FBXO42: variants seen among roughly 807,000 people sequenced by gnomAD.
FBXO42 encodes F-box only protein 42.
A neutral mutation model predicts 71.7 loss-of-function variants in FBXO42; 12 were observed. The observed-to-expected ratio is 0.17, with a 90% CI of 0.11 to 0.27. The LOEUF is 0.27. Ranked by LOEUF, FBXO42 falls within the 10% of genes least tolerant of loss-of-function variation. The pLI, the probability that FBXO42 is intolerant of heterozygous loss-of-function variation, is 1.00. For synonymous variants in FBXO42, 325 were observed against 327.5 expected (o/e 0.99, Z 0.08); for missense variants, 707 against 911.9 (o/e 0.78, Z 2.89).
At chr1:16,318,764 G>A (rs2082391159) in intron 1 of FBXO42, among the ~76,000 whole-genome samples, 1 of 152,200 alleles carries the variant, frequency 6.6e-6, no homozygotes, top group South Asian at 2.1e-4. Flanking sequence ...TTGGGCAAGA[G>A]GAGCCATCAG....
Position 16,338,834 on chromosome 1 carries a change from G to A in FBXO42, c.-18+13421C>T, listed in dbSNP as rs1489104500. 9.4e-5 allele frequency among the ~76,000 whole-genome samples: 10 copies of A among 106,580 alleles called. No individual in the cohort carries two copies. The East Asian group carries it at 1.2e-3, about 13-fold the overall frequency. 69.9% of individuals were successfully genotyped at this position (106,580 alleles called of 152,430 possible). The stretch of plus-strand genomic sequence containing the variant: ...TTTTTTTTTTTTTTTTTTTTGAGAC[G>A]GTGTTTCGCCCTTTTCCCCAGGCTG... On this transcript the variant is annotated intron_variant, in intron 1 of 9. Transcript: ENST00000375592.
At chr1:16,259,451 TTATAAATGCAG>T (rs2081684661) in intron 4 of FBXO42, among the ~76,000 whole-genome samples, 1 of 152,100 alleles carries the variant, frequency 6.6e-6, no homozygotes, top group Non-Finnish European at 1.5e-5. Context: ...CTTAAAGAAA[TTATAAATGCAG>T]TATAAGAATA....
At chr1:16,296,633 G>A (rs910989305) in intron 3 of FBXO42, among the ~76,000 whole-genome samples, 3 of 121,230 alleles carry the variant, frequency 2.5e-5, no homozygotes, top group African/African-American at 3.2e-5. Flanking sequence ...CTGGACGACA[G>A]AGCAAGACTC....
chr1:16,336,635 G>C (rs1355375342), intron 1 of FBXO42, among the ~76,000 whole-genome samples: 1 of 151,828 alleles, frequency 6.6e-6, no homozygotes, highest in Non-Finnish European at 1.5e-5. Context: ...GGGATTACAG[G>C]CATGAGCCAC....
intron 2 of FBXO42, among the ~76,000 whole-genome samples, chr1:16,307,509 T>G (rs2082264132): frequency 6.7e-6 from 1 of 150,146 alleles, no homozygotes; most frequent in African/African-American, 2.5e-5. Flanking sequence ...AGACCCTGTC[T>G]CTTAAAAAAC....
chr1:16,291,889 C>T (rs1403525742), intron 4 of FBXO42, among the ~76,000 whole-genome samples: 2 of 152,172 alleles, frequency 1.3e-5, no homozygotes, highest in Admixed American at 1.3e-4. Context: ...CCAGGCTGGT[C>T]TCAAATTCCT....
chr1:16,341,045 G>A (rs1267824049), intron 1 of FBXO42, among the ~76,000 whole-genome samples: 1 of 152,140 alleles, frequency 6.6e-6, no homozygotes, highest in Non-Finnish European at 1.5e-5. Flanking sequence ...TCACTGTGTA[G>A]GTGTGGAAAT....
Position 16,311,525 on chromosome 1 carries a change from T to TAC in FBXO42, c.250+3643_250+3644insGT, listed in dbSNP as rs1455330630. ...AAAAATATATATATATATATATATA[T>TAC]ATACATATGTATATATAAAATAAAA... is the stretch of plus-strand genomic sequence containing the variant. On this transcript the variant is annotated intron_variant, in intron 2 of 9. Transcript: ENST00000375592. Among the ~76,000 whole-genome samples, 194 of 143,382 alleles carry TAC rather than the reference T, an allele frequency of 1.4e-3. 1 individual carries two copies. Among genetic ancestry groups the TAC allele is most frequent in the African/African-American group, 4.6e-3 (180 of 38,940 alleles). The allele number at this position is 143,382 out of a possible 152,430, so 94.1% of individuals were successfully genotyped here.
Position 16,251,490 on chromosome 1 carries a change from G to C in FBXO42, c.1334C>G (p.Ser445Cys). ...GCCACCCACAGCTGCCGTTCCTGGA[G>C]ACAAACTCCCACCATTGAGGATAGG... ...GSPILNGGSL[S>C]PGTAAVGGSS... Residue 445 changes from serine (S) to cysteine (C), a missense_variant, in exon 10 of 10, where the codon TCT (serine) becomes TGT (cysteine). Ser to Cys is a moderately radical substitution (Grantham distance 112). Transcript: ENST00000375592. This position sits in a 1 kb window ranked among gnomAD's most constrained non-coding sequence, Gnocchi z 4.5. 1 of 1,614,160 alleles carries C rather than the reference G, an allele frequency of 6.2e-7. No homozygotes were observed. Among genetic ancestry groups the C allele is most frequent in the Non-Finnish European group, 8.5e-7 (1 of 1,180,026 alleles).
chr1:16,324,327 A>G (rs1447710904), intron 1 of FBXO42, among the ~76,000 whole-genome samples: 1 of 152,318 alleles, frequency 6.6e-6, no homozygotes, highest in South Asian at 2.1e-4. Context: ...CAAAAAGAAG[A>G]TATGTCACTA....
chr1:16,253,115 C>A lies in FBXO42; in HGVS notation c.902G>T (p.Gly301Val). ...IDDATILILGGCGGPNALFKD... is the reference protein window; with the variant it reads ...IDDATILILGVCGGPNALFKD... ...ACTCACAGCATTGGGACCGCCACACCCTCCGAGGATTAAGATAGTTGCATC... is the reference window on the plus strand; with the variant it reads ...ACTCACAGCATTGGGACCGCCACACACTCCGAGGATTAAGATAGTTGCATC... Residue 301 changes from glycine to valine, a missense_variant, in exon 8 of 10, where the codon GGG becomes GTG. By Grantham distance (109) the Gly-to-Val change is moderately radical (BLOSUM62 -3). Coordinates refer to ENST00000375592, the MANE Select transcript of FBXO42 (RefSeq NM_018994.3). The A allele has an allele frequency of 6.2e-7, 1 of 1,613,610 alleles. No homozygotes were observed. The highest frequency in any genetic ancestry group is 8.5e-7 in the Non-Finnish European group (1 of 1,179,824).
In FBXO42 at chr1:16,333,436, ACC is replaced by A. The variant is rs71574175; in HGVS notation, c.-17-18003_-17-18002del. ...GAGACCAGCCTGGGCAAATAGTGAGACCCCCCCCCCCCATTTCCAAGAAGAAA... is the reference window on the plus strand; with the variant it reads ...GAGACCAGCCTGGGCAAATAGTGAGACCCCCCCCCCATTTCCAAGAAGAAA... On this transcript the variant is annotated intron_variant, in intron 1 of 9. Coordinates refer to ENST00000375592, the MANE Select transcript of FBXO42 (RefSeq NM_018994.3). Among the ~76,000 whole-genome samples, 898 of 101,646 alleles carry A rather than the reference ACC, an allele frequency of 8.8e-3. 16 individuals are homozygous for A. The highest frequency in any genetic ancestry group is 0.07 in the East Asian group (237 of 3,400). 66.7% of individuals were successfully genotyped at this position (101,646 alleles called of 152,430 possible). A position where few individuals can be genotyped will look rare whatever the true frequency, so the allele number is the denominator to read the frequency against.
At chr1:16,331,321 G>C (rs1461360697) in intron 1 of FBXO42, among the ~76,000 whole-genome samples, 1 of 151,866 alleles carries the variant, frequency 6.6e-6, no homozygotes, top group Non-Finnish European at 1.5e-5. Flanking sequence ...GCTGAGGCAG[G>C]AGAATGGCGT....
intron 4 of FBXO42, among the ~76,000 whole-genome samples, chr1:16,269,344 C>G (rs2081813684): frequency 6.6e-6 from 1 of 151,782 alleles, no homozygotes; most frequent in Admixed American, 6.6e-5. Flanking sequence ...CTGCCTCGGC[C>G]TCCCAAAGTG....
At chr1:16,343,947 C>G (rs1477999153) in intron 1 of FBXO42, among the ~76,000 whole-genome samples, 1 of 141,544 alleles carries the variant, frequency 7.1e-6, no homozygotes, top group African/African-American at 2.7e-5. Context: ...CACACTTTAG[C>G]ATGGCAAAAA....
Position 16,344,929 on chromosome 1 carries a change from T to C in FBXO42, c.-18+7326A>G, listed in dbSNP as rs185486292. On this transcript the variant is annotated intron_variant, in intron 1 of 9. Transcript: ENST00000375592. ...GCCTGGCCAACCTGGTGAAACCCCATCTCTACTAAAAATACAAATATTAGC... is the reference window on the plus strand; with the variant it reads ...GCCTGGCCAACCTGGTGAAACCCCACCTCTACTAAAAATACAAATATTAGC... Among the ~76,000 whole-genome samples, 23 of 151,672 alleles carry C rather than the reference T, an allele frequency of 1.5e-4. No homozygotes were observed. The East Asian group carries it at 4.5e-3, about 30-fold the overall frequency.
At chr1:16,257,131 C>T (rs1375382897) in intron 4 of FBXO42, among the ~76,000 whole-genome samples, 1 of 152,122 alleles carries the variant, frequency 6.6e-6, no homozygotes, top group African/African-American at 2.4e-5. Flanking sequence ...CAAATGAGCA[C>T]CCCTTCCCAT....
At chr1:16,344,208 G>C (rs897941132) in intron 1 of FBXO42, among the ~76,000 whole-genome samples, 3 of 151,784 alleles carry the variant, frequency 2.0e-5, no homozygotes, top group Non-Finnish European at 2.9e-5. Flanking sequence ...TTGTTGGTCA[G>C]GCTGGTCTCG....
chr1:16,338,753 T>A lies in FBXO42; in HGVS notation c.-18+13502A>T, dbSNP rs148820459. Among the ~76,000 whole-genome samples the A allele has an allele frequency of 2.7e-5, 4 of 148,878 alleles. No homozygotes were observed. The East Asian group carries it at 5.9e-4, about 22-fold the overall frequency. On this transcript the variant is annotated intron_variant, in intron 1 of 9. Coordinates refer to ENST00000375592, the MANE Select transcript of FBXO42 (RefSeq NM_018994.3). Reference sequence around the variant, plus strand: ...CAAAAATATTCTGCAAAGAACATAATACATTTTAACAAGATGCTGTGATGG... The same window carrying A: ...CAAAAATATTCTGCAAAGAACATAAAACATTTTAACAAGATGCTGTGATGG...
Sources: allele counts gnomAD v4.1 joint callset (sites outside exome capture counted in the v4.1 genomes callset), GRCh38; gene constraint gnomAD v4.1.1; non-coding constraint Gnocchi (gnomAD v3.1); transcripts MANE v1.5; gene names NCBI Gene and HGNC (gene_info 2026-07-23, HGNC 2026-07-21).